Variants in GNA12 observed in about 807,000 individuals in gnomAD.
GNA12 encodes guanine nucleotide-binding protein subunit alpha-12.
In GNA12, 9 loss-of-function variants were observed where a neutral mutation model predicts 26.0. That is an observed-to-expected ratio of 0.35 (90% CI 0.21 to 0.60). The LOEUF (loss-of-function observed/expected upper bound fraction) is 0.60. Ranked by LOEUF, GNA12 falls within the 20% of genes least tolerant of loss-of-function variation. GNA12 has a pLI of 0.78. For missense variants in GNA12, 405 were observed against 525.8 expected (o/e 0.77, Z 2.25); for synonymous variants, 264 against 219.6 (o/e 1.20, Z -1.79).
chr7:2,765,394 C>T (rs888414127), intron 2 of GNA12, among the ~76,000 whole-genome samples: 5 of 152,060 alleles, frequency 3.3e-5, no homozygotes, highest in East Asian at 3.9e-4. Context: ...CTCCTGACCT[C>T]GTGATCCGCC....
intron 1 of GNA12, among the ~76,000 whole-genome samples, chr7:2,801,171 C>A (rs1372155350): frequency 6.6e-6 from 1 of 152,170 alleles, no homozygotes; most frequent in African/African-American, 2.4e-5. Flanking sequence ...AGTCACCAAC[C>A]CTCCCGCTAT....
chr7:2,752,087 A>G (rs573120830), intron 2 of GNA12, among the ~76,000 whole-genome samples: 3 of 152,358 alleles, frequency 2.0e-5, no homozygotes, highest in South Asian at 2.1e-4. Context: ...AAAAGACACA[A>G]TATCTTTAAC....
At chr7:2,741,858 G>C (rs1309187693) in intron 2 of GNA12, among the ~76,000 whole-genome samples, 1 of 150,142 alleles carries the variant, frequency 6.7e-6, no homozygotes, top group Non-Finnish European at 1.5e-5. Flanking sequence ...CATCTAGGAT[G>C]ACTGTCTCAT....
intron 2 of GNA12, chr7:2,762,702 G>A: frequency 1.3e-6 from 2 of 1,571,668 alleles, no homozygotes; most frequent in South Asian, 1.2e-5. Flanking sequence ...CCCGGGTGGA[G>A]GAGCGCCAGA....
intron 2 of GNA12, among the ~76,000 whole-genome samples, chr7:2,751,471 G>C (rs1046891693): frequency 1.3e-5 from 2 of 149,068 alleles, no homozygotes; most frequent in Non-Finnish European, 3.0e-5. Context: ...CCACCTCAAA[G>C]AGCTTAATGA....
intron 1 of GNA12, chr7:2,814,418 A>C (rs759645135): frequency 3.1e-5 from 39 of 1,261,584 alleles, no homozygotes; most frequent in Non-Finnish European, 4.4e-5. Flanking sequence ...GAATTCCTAT[A>C]ATCTGAATTA....
At chr7:2,763,059 A>C (rs2115403776) in intron 2 of GNA12, 2 of 1,246,624 alleles carry the variant, frequency 1.6e-6, no homozygotes, top group South Asian at 7.4e-5. Flanking sequence ...TCCAGGACGC[A>C]GACCGGGGCT....
intron 1 of GNA12, among the ~76,000 whole-genome samples, chr7:2,819,178 A>T (rs1793291499): frequency 6.6e-6 from 1 of 152,150 alleles, no homozygotes; most frequent in Non-Finnish European, 1.5e-5. Context: ...GCAAGACTGG[A>T]GGGAGGCCTC....
chr7:2,793,885 AAAAAAAAAAAAAAGG>A (rs1227960661), intron 2 of GNA12, among the ~76,000 whole-genome samples: 26 of 146,502 alleles, frequency 1.8e-4, no homozygotes, highest in African/African-American at 6.6e-4. Context: ...CCATCTCAAA[AAAAAAAAAAAAAAGG>A]AAAAAAAAAG....
chr7:2,773,889 G>T (rs1792010103), intron 2 of GNA12, among the ~76,000 whole-genome samples: 2 of 152,152 alleles, frequency 1.3e-5, no homozygotes, highest in Non-Finnish European at 2.9e-5. Flanking sequence ...AGGAGGGCAG[G>T]GAACTAAATT....
intron 2 of GNA12, among the ~76,000 whole-genome samples, chr7:2,758,793 A>C (rs1324806036): frequency 6.6e-6 from 1 of 152,288 alleles, no homozygotes; most frequent in East Asian, 1.9e-4. Flanking sequence ...CAGTTTACTC[A>C]TCTAATAGAA....
intron 2 of GNA12, among the ~76,000 whole-genome samples, chr7:2,773,018 C>A (rs988189899): frequency 6.6e-6 from 1 of 152,178 alleles, no homozygotes; most frequent in Non-Finnish European, 1.5e-5. Flanking sequence ...GCAAAGAAGC[C>A]AGCTAAACGA....
At chr7:2,799,982 C>T (rs1054655971) in intron 1 of GNA12, among the ~76,000 whole-genome samples, 1 of 152,314 alleles carries the variant, frequency 6.6e-6, no homozygotes, top group Admixed American at 6.5e-5. Context: ...TTTATAACTA[C>T]TAAAAATGCA....
At chr7:2,810,958 G>T (rs1470933134) in intron 1 of GNA12, among the ~76,000 whole-genome samples, 1 of 152,032 alleles carries the variant, frequency 6.6e-6, no homozygotes, top group Non-Finnish European at 1.5e-5. Flanking sequence ...CATGTGGAAG[G>T]AGGCCCTGGA....
At chr7:2,842,329 T>A (rs965191147) in intron 1 of GNA12, among the ~76,000 whole-genome samples, 5 of 152,118 alleles carry the variant, frequency 3.3e-5, no homozygotes, top group African/African-American at 1.2e-4. Flanking sequence ...TTTATTTTTT[T>A]TCACTGCCAC....
At chr7:2,748,805 A>G (rs1243376688) in intron 2 of GNA12, among the ~76,000 whole-genome samples, 12 of 152,090 alleles carry the variant, frequency 7.9e-5, no homozygotes, top group Non-Finnish European at 1.6e-4. Flanking sequence ...AACTCAAACA[A>G]ATTTACAAGA....
chr7:2,752,488 G>T (rs762151198), intron 2 of GNA12, among the ~76,000 whole-genome samples: 5 of 152,022 alleles, frequency 3.3e-5, no homozygotes, highest in Non-Finnish European at 5.9e-5. Context: ...AAAGACACAG[G>T]GACTGGAAAG....
chr7:2,756,287 A>T (rs1004578093), intron 2 of GNA12, among the ~76,000 whole-genome samples: 1 of 152,212 alleles, frequency 6.6e-6, no homozygotes, highest in Non-Finnish European at 1.5e-5. Flanking sequence ...TCAGAAAATC[A>T]AAAAAGGACA....
intron 1 of GNA12, among the ~76,000 whole-genome samples, chr7:2,823,227 C>G (rs2114964930): frequency 6.6e-6 from 1 of 152,288 alleles, no homozygotes; most frequent in East Asian, 1.9e-4. Context: ...CTGTCTGCTT[C>G]ATCCAGCATA....
Sources: gnomAD v4.1 joint callset for allele counts (sites outside exome capture counted in the v4.1 genomes callset) on GRCh38, gnomAD v4.1.1 for gene constraint, MANE v1.5 for transcripts, NCBI Gene and HGNC (gene_info 2026-07-23, HGNC 2026-07-21) for gene names.